MCF2L: variants seen among roughly 807,000 people sequenced by gnomAD.
The protein encoded by MCF2L is MCF.2 cell line derived transforming sequence like.
MCF2L carries 97 observed loss-of-function variants against 153.4 expected under a neutral mutation model. The observed-to-expected ratio is 0.63, with a 90% CI of 0.54 to 0.75. The LOEUF is 0.75. Ranked by LOEUF, MCF2L falls within the 30% of genes least tolerant of loss-of-function variation. The probability of loss-of-function intolerance (pLI) is 0.00; values close to 1 mark genes in which losing one functional copy is unlikely to be tolerated. For synonymous variants in MCF2L, 659 were observed against 632.2 expected (o/e 1.04, Z -0.64); for missense variants, 1,347 against 1,495.2 (o/e 0.90, Z 1.64).
intron 1 of MCF2L, chr13:113,001,999 GC>G: frequency 6.4e-7 from 1 of 1,556,664 alleles, no homozygotes; most frequent in Non-Finnish European, 8.6e-7. Context: ...TGGGGCGCGG[GC>G]GGGTCCTCGC....
intron 4 of MCF2L, among the ~76,000 whole-genome samples, chr13:113,056,762 GTGTT>G (rs1320170310): frequency 1.2e-4 from 17 of 145,580 alleles, no homozygotes; most frequent in Non-Finnish European, 6.0e-5. Flanking sequence ...TGGGTGCTGT[GTGTT>G]TGGGTGCTGA....
chr13:112,949,294 G>A (rs777923621), intron 2 of MCF2L, among the ~76,000 whole-genome samples: 67 of 152,108 alleles, frequency 4.4e-4, no homozygotes, highest in Non-Finnish European at 3.7e-4. Flanking sequence ...TTTTTCTAAA[G>A]AATTCTACCA....
chr13:113,070,374 T>C lies in MCF2L; in HGVS notation c.996+201T>C, dbSNP rs1164472015. On this transcript the variant is annotated intron_variant, in intron 9 of 29. Coordinates refer to ENST00000535094, the MANE Select transcript of MCF2L (RefSeq NM_001112732.3). This position sits in a 1 kb window ranked among gnomAD's most constrained non-coding sequence, Gnocchi z 5.6. ...AAATGCACGATTGATGACTGCGTCA[T>C]TGTATAGAAAGGTGATTGAAAATCA... The C allele has an allele frequency of 7.0e-6, 3 of 428,548 alleles. No homozygotes were observed. The highest frequency in any genetic ancestry group is 1.2e-5 in the Non-Finnish European group (3 of 243,000). The allele number at this position is 428,548 out of a possible 1,614,324, so 26.5% of individuals were successfully genotyped here. A position where few individuals can be genotyped will look rare whatever the true frequency, so the allele number is the denominator to read the frequency against.
intron 2 of MCF2L, among the ~76,000 whole-genome samples, chr13:112,919,576 T>TAAA (rs60772457): frequency 4.0e-5 from 6 of 151,562 alleles, no homozygotes; most frequent in African/African-American, 1.5e-4. Flanking sequence ...TGTTTTGTTT[T>TAAA]AAAAAAAAAT....
In MCF2L at chr13:113,012,616, C is replaced by T. The variant is rs1372510766; in HGVS notation, c.80-2147C>T. 4.9e-5 allele frequency among the ~76,000 whole-genome samples: 5 copies of T among 101,650 alleles called. 1 individual carries two copies. The highest frequency in any genetic ancestry group is 1.0e-4 in the Admixed American group (1 of 9,946). The allele number at this position is 101,650 out of a possible 152,430, so 66.7% of individuals were successfully genotyped here. On this transcript the variant is annotated intron_variant, in intron 1 of 29. Coordinates refer to ENST00000535094, the MANE Select transcript of MCF2L (RefSeq NM_001112732.3). The stretch of plus-strand genomic sequence containing the variant: ...TGGACTGTGGACACTGTGATGCGGA[C>T]GGTGGACAGGCGGTGTGGACGGTGG...
At position 113,045,334 on chromosome 13, in the gene MCF2L, C is replaced by A. The variant is rs138820514; in HGVS notation, c.342C>A (p.Ser114=). The change falls in exon 4 of 30, where the codon TCC becomes TCA. Residue 114 remains serine (S), a synonymous_variant. Coordinates refer to ENST00000535094, the MANE Select transcript of MCF2L (RefSeq NM_001112732.3). The surrounding 1 kb of genome is among the most constrained non-coding windows in gnomAD (Gnocchi z 4.2). The part of the protein sequence containing the change: ...VIDRRRDKWT[S]VKASVLRIAA... ...ACCGGCGACGGGACAAATGGACCTC[C>A]GTGAAGGCGTCCGTCCTGCGCATCG... 289 of 1,613,948 alleles carry A rather than the reference C, an allele frequency of 1.8e-4. No homozygotes were observed. Among genetic ancestry groups the A allele is most frequent in the Non-Finnish European group, 2.0e-4 (237 of 1,180,036 alleles).
intron 1 of MCF2L, chr13:112,985,392 G>A (rs371739837): frequency 4.5e-5 from 21 of 470,920 alleles, no homozygotes; most frequent in Admixed American, 1.4e-4. Flanking sequence ...CATGGGGGAC[G>A]GAAAGGCTGT....
chr13:113,079,880 C>T (rs952671330), intron 15 of MCF2L, among the ~76,000 whole-genome samples: 30 of 10,430 alleles, frequency 2.9e-3, no homozygotes, highest in African/African-American at 7.6e-3. Flanking sequence ...GGGGCATCCG[C>T]ACAGAGGAGG....
At chr13:113,001,307 A>G (rs1224682585) in intron 1 of MCF2L, 1 of 152,292 alleles carries the variant, frequency 6.6e-6, no homozygotes, top group African/African-American at 2.4e-5. Flanking sequence ...AGAACAGCGG[A>G]CGCAGCTGCC....
At chr13:113,096,083 A>C in intron 27 of MCF2L, 1 of 531,444 alleles carries the variant, frequency 1.9e-6, no homozygotes. Flanking sequence ...GGAGGCGGGT[A>C]TGCAGGCGCA....
chr13:112,986,843 G>A (rs891806970), intron 1 of MCF2L, among the ~76,000 whole-genome samples: 3 of 152,176 alleles, frequency 2.0e-5, no homozygotes, highest in South Asian at 4.1e-4. Context: ...TGGCGCGTAC[G>A]CTGCACTCTG....
At chr13:112,920,381 G>A (rs2081340130) in intron 2 of MCF2L, among the ~76,000 whole-genome samples, 1 of 152,180 alleles carries the variant, frequency 6.6e-6, no homozygotes, top group African/African-American at 2.4e-5. Context: ...GCTTGTGTGT[G>A]TGTGTGCACA....
In MCF2L at chr13:113,092,788, C is replaced by G. The variant is rs558923108; in HGVS notation, c.2954-1726C>G. On this transcript the variant is annotated intron_variant, in intron 26 of 29. Transcript: ENST00000535094. Reference sequence around the variant, plus strand: ...GACCTCTGCGTTTTGCTGTTGGCCTCCCCCGCGCCCTGTTCCAGCACAGCG... The same window carrying G: ...GACCTCTGCGTTTTGCTGTTGGCCTGCCCCGCGCCCTGTTCCAGCACAGCG... Among the ~76,000 whole-genome samples, 440 of 152,360 alleles carry G rather than the reference C, an allele frequency of 2.9e-3. 1 individual carries two copies. The highest frequency in any genetic ancestry group is 9.1e-3 in the African/African-American group (378 of 41,578).
chr13:112,968,456 G>A (rs746701262), upstream of MCF2L: 15 of 1,588,922 alleles, frequency 9.4e-6, no homozygotes, highest in Non-Finnish European at 1.3e-5. Context: ...GTGTGGCTTG[G>A]TGCCAACCAT....
chr13:112,929,567 A>T (rs977217185), intron 2 of MCF2L, among the ~76,000 whole-genome samples: 5 of 152,246 alleles, frequency 3.3e-5, no homozygotes, highest in Admixed American at 6.5e-5. Flanking sequence ...ACTCCTGATG[A>T]AATCTGTGAA....
intron 1 of MCF2L, chr13:112,979,535 C>A: frequency 6.6e-7 from 1 of 1,505,814 alleles, no homozygotes; most frequent in South Asian, 1.3e-5. Flanking sequence ...CCATGCGGCA[C>A]CCGCCCGGCT....
intron 1 of MCF2L, among the ~76,000 whole-genome samples, chr13:112,900,381 G>A (rs72660082): frequency 0.021 from 3,229 of 152,330 alleles, 66 homozygotes; most frequent in East Asian, 0.047. Context: ...GGCATGAGAT[G>A]CGCAGGCAGC....
chr13:112,899,976 G>A (rs920656161), intron 1 of MCF2L, among the ~76,000 whole-genome samples: 5 of 152,174 alleles, frequency 3.3e-5, no homozygotes. Flanking sequence ...TGGATGGGGA[G>A]GATGTAGCCC....
chr13:112,976,769 A>C (rs1401938617), intron 1 of MCF2L, among the ~76,000 whole-genome samples: 1 of 152,216 alleles, frequency 6.6e-6, no homozygotes, highest in Non-Finnish European at 1.5e-5. Flanking sequence ...GGAAGACGAC[A>C]GAGCCGTGAG....
Sources: gnomAD v4.1 joint callset for allele counts (sites outside exome capture counted in the v4.1 genomes callset) on GRCh38, gnomAD v4.1.1 for gene constraint, Gnocchi (gnomAD v3.1) non-coding constraint, MANE v1.5 for transcripts, NCBI Gene and HGNC (gene_info 2026-07-23, HGNC 2026-07-21) for gene names.